Variants in RIC1 observed in about 807,000 individuals in gnomAD.
RIC1 encodes the protein RIC1 partner of RAB6A GEF complex.
RIC1 carries 88 observed loss-of-function variants against 169.0 expected under a neutral mutation model. The ratio of observed to expected loss-of-function variants is 0.52; its 90% CI spans 0.44 to 0.62. RIC1 has a LOEUF of 0.62. Ranked by LOEUF, RIC1 falls within the 20% of genes least tolerant of loss-of-function variation. The pLI is 0.00. For missense variants in RIC1, 1,877 were observed against 1,725.5 expected, an observed-to-expected ratio of 1.09 and a Z score of -1.56; for synonymous variants, 790 against 601.5, an observed-to-expected ratio of 1.31 and a Z score of -4.59.
intron 1 of RIC1, 140 bp downstream of exon 1, chr9:5,629,593 C>T: frequency 1.0e-6 from 1 of 999,490 alleles, no homozygotes; most frequent in Non-Finnish European, 1.4e-6. Flanking sequence ...CGTCCTCGTT[C>T]CACCGAATTG....
intron 7 of RIC1, among the ~76,000 whole-genome samples, chr9:5,734,550 A>T (rs909907930): frequency 6.6e-6 from 1 of 152,126 alleles, no homozygotes; most frequent in Non-Finnish European, 1.5e-5. Flanking sequence ...TTTTTATTTC[A>T]CATTGTGAAA....
intron 4 of RIC1, among the ~76,000 whole-genome samples, chr9:5,717,434 C>T (rs1182187052): frequency 6.6e-6 from 1 of 152,120 alleles, no homozygotes; most frequent in Admixed American, 6.5e-5. Flanking sequence ...CCTCTCTTGA[C>T]ATTGTCAACT....
intron 6 of RIC1, among the ~76,000 whole-genome samples, chr9:5,731,632 A>G (rs973935637): frequency 1.2e-4 from 19 of 152,186 alleles, no homozygotes; most frequent in African/African-American, 4.6e-4. Flanking sequence ...GGAGCAAACA[A>G]CTGAGCTGAA....
intron 2 of RIC1, among the ~76,000 whole-genome samples, chr9:5,682,818 T>C (rs201531259): frequency 1.3e-5 from 2 of 152,224 alleles, no homozygotes; most frequent in Non-Finnish European, 2.9e-5. Context: ...ACATAGATTT[T>C]GTCTTTTCAC....
rs910589223 is a variant in RIC1 at position 5,711,604 on chromosome 9, C to G, written c.333-2292C>G. Reference sequence around the variant, plus strand: ...ATATATTTTTATTATACTTTAAGTTCTAGGGTACATGTGCACAATGTGCAG... The same window carrying G: ...ATATATTTTTATTATACTTTAAGTTGTAGGGTACATGTGCACAATGTGCAG... On this transcript the variant is annotated intron_variant, in intron 3 of 25. Coordinates refer to ENST00000414202, the MANE Select transcript of RIC1 (RefSeq NM_020829.4). 3.0e-4 allele frequency among the ~76,000 whole-genome samples: 46 copies of G among 150,970 alleles called. 1 individual carries two copies. Among genetic ancestry groups the G allele is most frequent in the Non-Finnish European group, 3.0e-5 (2 of 67,720 alleles).
In RIC1 at chr9:5,766,126, C is replaced by G. The variant is rs570657272; in HGVS notation, c.3137+328C>G. Reference sequence around the variant, plus strand: ...GCACCATCTCAGCTCACTGCAACCTCCGCCTTACAGGTTCAAGCGATTATC... The same window carrying G: ...GCACCATCTCAGCTCACTGCAACCTGCGCCTTACAGGTTCAAGCGATTATC... On this transcript the variant is annotated intron_variant, in intron 21 of 25. Coordinates refer to ENST00000414202, the MANE Select transcript of RIC1 (RefSeq NM_020829.4). Among the ~76,000 whole-genome samples, 10 of 152,284 alleles carry G rather than the reference C, an allele frequency of 6.6e-5. No individual in the cohort carries two copies. In the East Asian group the frequency reaches 1.2e-3, roughly 18 times the overall value.
rs746504258 is a variant in RIC1 at position 5,754,873 on chromosome 9, C to A, written c.1635C>A (p.Ala545=). Residue 545 remains alanine (A), a synonymous_variant, in exon 15 of 26, where the codon GCC becomes GCA. Transcript: ENST00000414202. The part of the protein sequence containing the change: ...EQNMIVTGGL[A]WWNDFMVLAC... ...ATATGATCGTGACAGGTGGCTTAGC[C>A]TGGTGGAATGATTTTATGGTCCTTG... The A allele has an allele frequency of 1.9e-6, 3 of 1,574,308 alleles. No individual in the cohort carries two copies. The highest frequency in any genetic ancestry group is 2.4e-5 in the South Asian group (2 of 83,336).
intron 4 of RIC1, among the ~76,000 whole-genome samples, chr9:5,717,068 A>G (rs931036912): frequency 1.3e-5 from 2 of 152,202 alleles, no homozygotes; most frequent in African/African-American, 4.8e-5. Flanking sequence ...CACAGTTTTT[A>G]AAAAGCCTAT....
intron 1 of RIC1, among the ~76,000 whole-genome samples, chr9:5,634,000 C>G (rs562147232): frequency 6.6e-6 from 1 of 152,068 alleles, no homozygotes; most frequent in Non-Finnish European, 1.5e-5. Flanking sequence ...TGTTTTTTGT[C>G]TTGCTTACTT....
At chr9:5,683,823 C>G (rs974065614) in intron 2 of RIC1, among the ~76,000 whole-genome samples, 1 of 152,216 alleles carries the variant, frequency 6.6e-6, no homozygotes, top group Non-Finnish European at 1.5e-5. Flanking sequence ...GCTTTGTTTA[C>G]CTACTCAAGC....
chr9:5,722,245 T>A (rs1353259117), intron 6 of RIC1, among the ~76,000 whole-genome samples: 11 of 149,298 alleles, frequency 7.4e-5, no homozygotes. Flanking sequence ...AACAATTTAA[T>A]GGAGGAAGAG....
At chr9:5,759,893 A>T (rs879847311) in intron 17 of RIC1, among the ~76,000 whole-genome samples, 4 of 152,162 alleles carry the variant, frequency 2.6e-5, no homozygotes, top group Non-Finnish European at 4.4e-5. Flanking sequence ...ATCATGTTTA[A>T]AGTTTTCATA....
At chr9:5,702,890 A>G (rs940161144) in intron 3 of RIC1, among the ~76,000 whole-genome samples, 1 of 152,178 alleles carries the variant, frequency 6.6e-6, no homozygotes, top group South Asian at 2.1e-4. Flanking sequence ...ATAACTTACT[A>G]TCACAAGAAC....
intron 1 of RIC1, among the ~76,000 whole-genome samples, chr9:5,634,339 C>T (rs576443583): frequency 2.0e-5 from 3 of 152,292 alleles, no homozygotes; most frequent in African/African-American, 7.2e-5. Context: ...TTTGCAGTCC[C>T]GTCAATAGTG....
chr9:5,706,401 G>C (rs978000275), intron 3 of RIC1, among the ~76,000 whole-genome samples: 1 of 152,140 alleles, frequency 6.6e-6, no homozygotes, highest in Admixed American at 6.5e-5. Context: ...GCGGTGAGCT[G>C]AGATCGCACC....
chr9:5,748,538 G>T (rs1228187355), intron 12 of RIC1: 1 of 152,568 alleles, frequency 6.6e-6, no homozygotes, highest in Non-Finnish European at 1.5e-5. Context: ...AACTGCACTA[G>T]CTACTTCCTT....
At chr9:5,714,025 T>C (rs1299248000) in intron 4 of RIC1, 22 bp downstream of exon 4, 1 of 1,482,662 alleles carries the variant, frequency 6.7e-7, no homozygotes. Context: ...TGGTTAAATT[T>C]GACATTGTGT....
At chr9:5,727,519 A>G (rs1244986437) in intron 6 of RIC1, among the ~76,000 whole-genome samples, 1 of 152,116 alleles carries the variant, frequency 6.6e-6, no homozygotes, top group Non-Finnish European at 1.5e-5. Context: ...GTTATTACTG[A>G]TCGTCTGAAG....
rs1826505789 is a variant in RIC1 at position 5,763,931 on chromosome 9, T to A, written c.2841+63T>A. The A allele has an allele frequency of 5.4e-6, 8 of 1,493,446 alleles. No homozygotes were observed. The South Asian group carries it at 9.5e-5, about 18-fold the overall frequency. 92.5% of individuals were successfully genotyped at this position (1,493,446 alleles called of 1,614,324 possible). ...GAGCTTAAACTTAGAAAAATAGAAA[T>A]GTCCTGTTTTGACACCATGATTGTG... On this transcript the variant is annotated intron_variant, in intron 19 of 25. Transcript: ENST00000414202. The surrounding 1 kb of genome is among the most constrained non-coding windows in gnomAD (Gnocchi z 5.2).
Sources: allele counts gnomAD v4.1 joint callset (sites outside exome capture counted in the v4.1 genomes callset), GRCh38; gene constraint gnomAD v4.1.1; non-coding constraint Gnocchi (gnomAD v3.1); transcripts MANE v1.5; gene names NCBI Gene and HGNC (gene_info 2026-07-23, HGNC 2026-07-21).